Variants in NRG1 observed in about 807,000 individuals in gnomAD.
The protein encoded by NRG1 is neuregulin 1.
Under a neutral mutation model 63.8 loss-of-function variants are expected in NRG1, and 18 were observed. That is an observed-to-expected ratio of 0.28 (90% CI 0.19 to 0.42). The LOEUF is 0.42. Among genes scored for constraint, NRG1 ranks in the 10% least tolerant of loss-of-function variants. The pLI is 1.00. For missense variants in NRG1, 762 were observed against 814.7 expected (o/e 0.94, Z 0.79); for synonymous variants, 302 against 301.3 (o/e 1.00, Z -0.02).
At position 32,454,379 on chromosome 8, in the gene NRG1, C is replaced by T. The variant is rs180761622; in HGVS notation, c.38-141449C>T. 5.3e-3 allele frequency among the ~76,000 whole-genome samples: 802 copies of T among 152,176 alleles called. 7 individuals are homozygous for T. The highest frequency in any genetic ancestry group is 4.3e-3 in the Non-Finnish European group (291 of 68,020). ...GGATTGAGAACCACTCATGTATGGCCTTTACTGTTTCGAGGTTTTTCTTTT... is the reference window on the plus strand; with the variant it reads ...GGATTGAGAACCACTCATGTATGGCTTTTACTGTTTCGAGGTTTTTCTTTT... On this transcript the variant is annotated intron_variant, in intron 1 of 10. Coordinates refer to the NRG1 transcript ENST00000519301.
At chr8:32,281,930 A>G (rs888383302) in intron 1 of NRG1, among the ~76,000 whole-genome samples, 41 of 152,380 alleles carry the variant, frequency 2.7e-4, no homozygotes, top group African/African-American at 9.6e-4. Context: ...TTAACTCATC[A>G]ATTTCAGATA....
At chr8:32,181,955 A>G (rs1028284773) in intron 1 of NRG1, among the ~76,000 whole-genome samples, 1 of 152,226 alleles carries the variant, frequency 6.6e-6, no homozygotes, top group Non-Finnish European at 1.5e-5. Context: ...TTACAGAAAA[A>G]AATTATTTGA....
intron 1 of NRG1, among the ~76,000 whole-genome samples, chr8:32,227,949 C>T (rs1459969242): frequency 6.6e-6 from 1 of 152,174 alleles, no homozygotes; most frequent in Non-Finnish European, 1.5e-5. Context: ...TACAGGTATA[C>T]AAGTTGTTAG....
chr8:31,928,649 T>TACACACAC (rs35727947), intron 1 of NRG1, among the ~76,000 whole-genome samples: 1 of 148,148 alleles, frequency 6.8e-6, no homozygotes, highest in African/African-American at 2.5e-5. Flanking sequence ...TATATATATA[T>TACACACAC]ACACACACAC....
intron 5 of NRG1, among the ~76,000 whole-genome samples, chr8:32,719,865 C>T (rs1299866777): frequency 6.6e-6 from 1 of 151,946 alleles, no homozygotes; most frequent in African/African-American, 2.4e-5. Context: ...CTGTTGGTTA[C>T]ATGTATGTGG....
intron 1 of NRG1, among the ~76,000 whole-genome samples, chr8:32,157,049 C>CGT (rs34725608): frequency 0.19 from 26,064 of 140,708 alleles, 2,489 homozygotes; most frequent in East Asian, 0.39. Context: ...AATTAAAACT[C>CGT]GTGTGTGTGT....
At chr8:32,454,053 C>T (rs1284332566) in intron 1 of NRG1, among the ~76,000 whole-genome samples, 1 of 152,154 alleles carries the variant, frequency 6.6e-6, no homozygotes, top group Admixed American at 6.5e-5. Flanking sequence ...CATATCCTGC[C>T]TTGAAAAATA....
At chr8:32,616,511 A>T (rs1378484933) in intron 4 of NRG1, among the ~76,000 whole-genome samples, 1 of 152,144 alleles carries the variant, frequency 6.6e-6, no homozygotes, top group Non-Finnish European at 1.5e-5. Context: ...CATCTGAAAG[A>T]AGGAATTTTC....
chr8:32,728,808 G>A (rs1822916767), intron 6 of NRG1, among the ~76,000 whole-genome samples: 1 of 152,188 alleles, frequency 6.6e-6, no homozygotes, highest in Non-Finnish European at 1.5e-5. Context: ...GCTCACGCCT[G>A]TAATCCCAGC....
At chr8:31,838,539 G>A (rs968434684) in intron 1 of NRG1, among the ~76,000 whole-genome samples, 6 of 152,026 alleles carry the variant, frequency 3.9e-5, no homozygotes, top group Non-Finnish European at 5.9e-5. Context: ...AGAGACTTTC[G>A]AAAAGCATTG....
chr8:32,025,103 A>G lies in NRG1; in HGVS notation c.37+385672A>G, dbSNP rs187712044. Among the ~76,000 whole-genome samples the G allele has an allele frequency of 2.1e-3, 323 of 152,310 alleles. 1 individual carries two copies. The highest frequency in any genetic ancestry group is 7.4e-3 in the African/African-American group (307 of 41,570). On this transcript the variant is annotated intron_variant, in intron 1 of 10. Coordinates refer to the NRG1 transcript ENST00000519301. ...ATTTCTCTGGTGAGATCAAGGGAGC[A>G]TCTTACTTTGTAAATATTAAAAATG...
exon 9 of NRG1, chr8:32,756,456 G>C (rs367543164): frequency 3.1e-6 from 5 of 1,613,682 alleles, no homozygotes; most frequent in Non-Finnish European, 4.2e-6. Flanking sequence ...CGGTCTGAAC[G>C]AAACAATATG....
intron 1 of NRG1, among the ~76,000 whole-genome samples, chr8:32,008,130 C>T (rs1814088331): frequency 6.6e-6 from 1 of 152,012 alleles, no homozygotes; most frequent in Non-Finnish European, 1.5e-5. Flanking sequence ...TCTTCTGAAG[C>T]ATTAAGATAT....
Position 32,190,765 on chromosome 8 carries a change from G to A in NRG1, c.38-405063G>A, listed in dbSNP as rs1318047328. Among the ~76,000 whole-genome samples the A allele has an allele frequency of 6.6e-5, 10 of 152,196 alleles. No homozygotes were observed. The East Asian group carries it at 1.9e-3, about 29-fold the overall frequency. The stretch of plus-strand genomic sequence containing the variant: ...GCTGGCAGAAGATACAAGATTCCTG[G>A]GTCAGAGATGAAGGATAGTTTATTG... On this transcript the variant is annotated intron_variant, in intron 1 of 10. Coordinates refer to the NRG1 transcript ENST00000519301.
At chr8:32,523,515 G>T (rs1037197267) in intron 1 of NRG1, among the ~76,000 whole-genome samples, 3 of 152,106 alleles carry the variant, frequency 2.0e-5, no homozygotes. Flanking sequence ...GTAAACACTG[G>T]TAGATTTAAC....
chr8:32,160,562 A>G (rs148994834), intron 1 of NRG1, among the ~76,000 whole-genome samples: 118 of 152,330 alleles, frequency 7.7e-4, no homozygotes, highest in African/African-American at 2.6e-3. Context: ...ATAAGTGAAC[A>G]TCTTCATGTT....
chr8:32,568,174 C>T (rs190797442), intron 1 of NRG1, among the ~76,000 whole-genome samples: 1 of 152,292 alleles, frequency 6.6e-6, no homozygotes, highest in Admixed American at 6.5e-5. Flanking sequence ...CACTTATTTG[C>T]AATAGAGCTC....
intron 7 of NRG1, among the ~76,000 whole-genome samples, chr8:32,751,666 C>T (rs532258429): frequency 6.6e-6 from 1 of 152,298 alleles, no homozygotes; most frequent in East Asian, 1.9e-4. Flanking sequence ...TTTAATCCCA[C>T]GTCTGTATTC....
intron 1 of NRG1, among the ~76,000 whole-genome samples, chr8:32,577,537 T>C (rs147425109): frequency 6.6e-6 from 1 of 152,268 alleles, no homozygotes; most frequent in East Asian, 1.9e-4. Context: ...AAGAGGCTTC[T>C]GGAAAAAGTA....
Sources: allele counts gnomAD v4.1 joint callset (sites outside exome capture counted in the v4.1 genomes callset), GRCh38; gene constraint gnomAD v4.1.1; transcripts MANE v1.5; gene names NCBI Gene and HGNC (gene_info 2026-07-23, HGNC 2026-07-21).